The following TPTE2 variants were observed in gnomAD, a reference collection of about 807,000 sequenced individuals.
The protein encoded by TPTE2 is phosphatidylinositol 3,4,5-trisphosphate 3-phosphatase TPTE2.
A neutral mutation model predicts 78.6 loss-of-function variants in TPTE2; 53 were observed. The ratio of observed to expected loss-of-function variants is 0.67; its 90% CI spans 0.54 to 0.85. TPTE2 has a LOEUF of 0.85. TPTE2 is among the 40% of genes least tolerant of loss of function. The pLI is 0.00. For synonymous variants in TPTE2, 175 were observed against 206.2 expected (o/e 0.85, Z 1.30); for missense variants, 461 against 623.0 (o/e 0.74, Z 2.77).
chr13:19,462,208 T>C (rs1383082999), intron 10 of TPTE2, among the ~76,000 whole-genome samples: 3 of 152,218 alleles, frequency 2.0e-5, no homozygotes. Flanking sequence ...TATACTTTTG[T>C]GTGTTTTGAC....
At chr13:19,497,091 G>A (rs1044377753) in intron 1 of TPTE2, among the ~76,000 whole-genome samples, 1 of 151,890 alleles carries the variant, frequency 6.6e-6, no homozygotes. Context: ...GCTTTTCTGA[G>A]GGGCTTAAAA....
intron 3 of TPTE2, among the ~76,000 whole-genome samples, chr13:19,490,676 A>G (rs1363355062): frequency 6.6e-6 from 1 of 152,206 alleles, no homozygotes; most frequent in African/African-American, 2.4e-5. Context: ...TGCCCCTCAG[A>G]TAGGGTTAAG....
intron 4 of TPTE2, among the ~76,000 whole-genome samples, chr13:19,477,952 T>C (rs969779175): frequency 6.6e-6 from 1 of 152,132 alleles, no homozygotes; most frequent in East Asian, 1.9e-4. Flanking sequence ...CCATGTACCT[T>C]TCCTAAAAAC....
chr13:19,433,092 G>C (rs1168354878), intron 15 of TPTE2, among the ~76,000 whole-genome samples: 1 of 152,126 alleles, frequency 6.6e-6, no homozygotes, highest in African/African-American at 2.4e-5. Flanking sequence ...GTTTTCTCAA[G>C]GAGGCCCTGG....
intron 1 of TPTE2, among the ~76,000 whole-genome samples, chr13:19,527,925 G>A (rs901647889): frequency 1.2e-4 from 19 of 152,362 alleles, no homozygotes; most frequent in Admixed American, 1.0e-3. Flanking sequence ...AGAAGCAGGG[G>A]CTGGCGCCTT....
At chr13:19,427,258 T>A (rs1391681591) in intron 17 of TPTE2, among the ~76,000 whole-genome samples, 1 of 151,628 alleles carries the variant, frequency 6.6e-6, no homozygotes, top group East Asian at 2.0e-4. Flanking sequence ...CTAATTTTTG[T>A]ATTTTTAGTG....
chr13:19,526,757 A>AC (rs1283937316), intron 1 of TPTE2, among the ~76,000 whole-genome samples: 6 of 151,640 alleles, frequency 4.0e-5, no homozygotes, highest in Admixed American at 3.3e-4. Flanking sequence ...TGCATACAAA[A>AC]AAAACTGGAT....
chr13:19,497,105 G>A (rs1005997572), intron 1 of TPTE2, among the ~76,000 whole-genome samples: 3 of 152,040 alleles, frequency 2.0e-5, no homozygotes, highest in African/African-American at 4.8e-5. Flanking sequence ...CTTAAAAAAC[G>A]GTGCACCGCG....
chr13:19,450,216 C>A (rs1178793758), intron 12 of TPTE2, 47 bp downstream of exon 15: 1 of 1,610,350 alleles, frequency 6.2e-7, no homozygotes, highest in Non-Finnish European at 8.5e-7. Context: ...AAATCAAGCC[C>A]AATATATTTA....
rs1448407446 is a variant in TPTE2, at chr13:19,498,273, G to A, written c.12-4772C>T. Among the ~76,000 whole-genome samples the A allele has an allele frequency of 4.0e-5, 6 of 151,640 alleles. No individual in the cohort carries two copies. The South Asian group carries it at 8.3e-4, about 21-fold the overall frequency. ...CCCCAATCTAGCAAGGCAGGCCAAC[G>A]TTCAGATTCAGGAAATACAGAGAAC... On this transcript the variant is annotated intron_variant, in intron 1 of 19. Coordinates refer to ENST00000400230, the Ensembl canonical transcript of TPTE2.
rs569362887 is a variant in TPTE2, at chr13:19,502,956, G to C, written c.11+268C>G. 5.3e-5 allele frequency among the ~76,000 whole-genome samples: 8 copies of C among 152,014 alleles called. No homozygotes were observed. In the South Asian group the frequency reaches 1.5e-3, roughly 28 times the overall value. ...CTTTTCCTATGACTCCATTAGAAAA[G>C]GATGCAATGTTACCTACAAAGGCTA... On this transcript the variant is annotated intron_variant, in intron 1 of 19. Coordinates refer to ENST00000400230, the Ensembl canonical transcript of TPTE2.
intron 18 of TPTE2, among the ~76,000 whole-genome samples, chr13:19,425,352 T>A (rs1360118342): frequency 6.6e-6 from 1 of 152,184 alleles, no homozygotes; most frequent in South Asian, 2.1e-4. Flanking sequence ...CCCAACTACA[T>A]TGTAGTGAAT....
intron 1 of TPTE2, among the ~76,000 whole-genome samples, chr13:19,514,918 A>C (rs1349945762): frequency 6.6e-6 from 1 of 152,094 alleles, no homozygotes; most frequent in East Asian, 1.9e-4. Context: ...GGCTTGGCTA[A>C]TTTAATCTCT....
At chr13:19,493,785 A>G (rs1881151265) in intron 1 of TPTE2, among the ~76,000 whole-genome samples, 1 of 152,142 alleles carries the variant, frequency 6.6e-6, no homozygotes, top group South Asian at 2.1e-4. Context: ...TCTGGTGGCA[A>G]TTATTTCAAA....
At chr13:19,467,803 G>T (rs993204677) in intron 6 of TPTE2, among the ~76,000 whole-genome samples, 4 of 150,378 alleles carry the variant, frequency 2.7e-5, no homozygotes, top group African/African-American at 9.8e-5. Flanking sequence ...GTACCCATTA[G>T]CCATCCCCAC....
intron 1 of TPTE2, among the ~76,000 whole-genome samples, chr13:19,511,018 G>A (rs1161177662): frequency 2.6e-5 from 4 of 152,166 alleles, no homozygotes; most frequent in African/African-American, 4.8e-5. Flanking sequence ...CATTACTGAT[G>A]AGATGCAGAC....
chr13:19,560,906 G>A, the TPTE2 span: 3 of 1,587,436 alleles, frequency 1.9e-6, no homozygotes, highest in East Asian at 6.9e-5. Context: ...ACACTCGTTG[G>A]AGGCCAGACA....
the TPTE2 span, among the ~76,000 whole-genome samples, chr13:19,558,847 G>A: frequency 6.6e-6 from 1 of 152,008 alleles, no homozygotes; most frequent in Non-Finnish European, 1.5e-5. Flanking sequence ...AAGCTTGATG[G>A]GTTAACTAAC....
intron 4 of TPTE2, among the ~76,000 whole-genome samples, chr13:19,477,115 G>C (rs2137597886): frequency 6.6e-6 from 1 of 152,252 alleles, no homozygotes. Flanking sequence ...TGCAGAAACA[G>C]AAAACCAAAT....
Sources: gnomAD v4.1 joint callset for allele counts (sites outside exome capture counted in the v4.1 genomes callset) on GRCh38, gnomAD v4.1.1 for gene constraint, MANE v1.5 for transcripts, NCBI Gene and HGNC (gene_info 2026-07-23, HGNC 2026-07-21) for gene names.